DST: variants seen among roughly 807,000 people sequenced by gnomAD.
DST encodes the protein bullous pemphigoid antigen.
In DST, 253 loss-of-function variants were observed where a neutral mutation model predicts 875.2. The observed-to-expected ratio is 0.29, with a 90% CI of 0.26 to 0.32. DST has a LOEUF of 0.32. Ranked by LOEUF, DST falls within the 10% of genes least tolerant of loss-of-function variation. The pLI is 1.00. For synonymous variants in DST, 3,124 were observed against 3,197.1 expected, an observed-to-expected ratio of 0.98 and a Z score of 0.77; for missense variants, 8,287 against 9,111.6, an observed-to-expected ratio of 0.91 and a Z score of 3.68.
chr6:56,659,118 T>C (rs988636590), intron 10 of DST, among the ~76,000 whole-genome samples: 2 of 151,944 alleles, frequency 1.3e-5, no homozygotes, highest in Non-Finnish European at 2.9e-5. Flanking sequence ...GAGAAAAAAA[T>C]TTAAATGGTC....
intron 4 of DST, among the ~76,000 whole-genome samples, chr6:56,809,305 C>T (rs1270458208): frequency 6.6e-6 from 1 of 152,166 alleles, no homozygotes; most frequent in Admixed American, 6.5e-5. Flanking sequence ...ACTGCCCCTC[C>T]CCGAGTGAGG....
chr6:56,616,710 C>T, intron 36 of DST: 2 of 1,614,172 alleles, frequency 1.2e-6, no homozygotes, highest in Non-Finnish European at 1.7e-6. Context: ...TCAATGACAC[C>T]CCCACTGGCA....
chr6:56,828,054 T>C (rs181994436), intron 4 of DST, among the ~76,000 whole-genome samples: 7 of 152,286 alleles, frequency 4.6e-5, no homozygotes, highest in Non-Finnish European at 8.8e-5. Context: ...CTGATGCATG[T>C]AGCATCACAT....
intron 4 of DST, among the ~76,000 whole-genome samples, chr6:56,795,175 C>A (rs2099737581): frequency 6.6e-6 from 1 of 151,798 alleles, no homozygotes; most frequent in South Asian, 2.1e-4. Flanking sequence ...ATACTGCATC[C>A]TTAAATACAA....
Position 56,477,407 on chromosome 6 carries a change from G to A in DST, c.21613C>T (p.His7205Tyr). ...TMGDTVLAIC[H>Y]PDSITTIKHW... is the part of the protein sequence containing the mutation. ...TTAATGGTAGTGATGGAGTCGGGGT[G>A]GCAGATAGCCAAAACGGTGTCGCCC... The change falls in exon 91 of 104, where the codon CAC becomes TAC. Residue 7205 changes from histidine (H) to tyrosine (Y), a missense_variant. Coordinates refer to ENST00000680361, the MANE Select transcript of DST (RefSeq NM_001374736.1). The A allele has an allele frequency of 1.2e-6, 2 of 1,613,948 alleles. No individual in the cohort carries two copies. The highest frequency in any genetic ancestry group is 1.7e-6 in the Non-Finnish European group (2 of 1,179,878).
In DST at chr6:56,601,521, A is replaced by G. The variant is rs747775037; in HGVS notation, c.11463T>C (p.Asp3821=). ...LLNTTQKCFL[D]VQESVTTQVE... is the part of the protein sequence containing the mutation. ...CCTGGGTAGTTACTGACTCCTGTAC[A>G]TCAAGAAAACACTTCTGAGTTGTAT... is the stretch of plus-strand genomic sequence containing the variant. Residue 3821 remains aspartate (D), a synonymous_variant, in exon 44 of 104, where the codon GAT becomes GAC. Transcript: ENST00000680361. 5.6e-6 allele frequency: 9 copies of G among 1,606,424 alleles called. No individual in the cohort carries two copies. The African/African-American group carries it at 8.0e-5, about 14-fold the overall frequency.
intron 9 of DST, among the ~76,000 whole-genome samples, chr6:56,698,109 C>A (rs1465266777): frequency 6.6e-6 from 1 of 152,076 alleles, no homozygotes; most frequent in Non-Finnish European, 1.5e-5. Context: ...TGTAGTCTGG[C>A]TGACTAACAC....
At chr6:56,676,813 G>A (rs1428873507) in intron 9 of DST, among the ~76,000 whole-genome samples, 1 of 152,054 alleles carries the variant, frequency 6.6e-6, no homozygotes, top group East Asian at 1.9e-4. Flanking sequence ...TCACTTATAT[G>A]TAGAATCTAA....
chr6:56,815,311 T>C (rs2099765297), intron 4 of DST, among the ~76,000 whole-genome samples: 3 of 151,738 alleles, frequency 2.0e-5, no homozygotes, highest in Admixed American at 6.6e-5. Context: ...AAGACTTGTT[T>C]TTCTTTTATT....
chr6:56,519,097 A>G (rs2096648293), intron 69 of DST, among the ~76,000 whole-genome samples: 1 of 152,154 alleles, frequency 6.6e-6, no homozygotes, highest in Admixed American at 6.6e-5. Flanking sequence ...ACCTTGGGCC[A>G]CAAGGAAGAA....
intron 36 of DST, chr6:56,615,607 T>C: frequency 6.2e-7 from 1 of 1,614,156 alleles, no homozygotes; most frequent in South Asian, 1.1e-5. Flanking sequence ...CAAAATCAGC[T>C]TTTTCTAAGG....
rs758753166 is a variant in DST, at chr6:56,501,607, T to C, written c.19653A>G (p.Glu6551=). The change falls in exon 79 of 104, where the codon GAA becomes GAG. Residue 6551 remains glutamate (E), a synonymous_variant. Transcript: ENST00000680361. ...QAELLLKKVT[E]ESDKHTVQDP... ...CTTGAACAGTGTGTTTGTCACTCTC[T>C]TCTGTTACTTTCTTTAGCAAAAGCT... is the stretch of plus-strand genomic sequence containing the variant. 2.5e-6 allele frequency: 4 copies of C among 1,609,222 alleles called. No homozygotes were observed. The South Asian group carries it at 4.4e-5, about 18-fold the overall frequency.
At position 56,504,025 on chromosome 6, in the gene DST, G is replaced by C; in HGVS notation, c.19538C>G (p.Thr6513Ser). Residue 6513 changes from threonine (T) to serine (S), a missense_variant, in exon 78 of 104, where the codon ACT becomes AGT. By Grantham distance (58) the Thr-to-Ser change is moderately conservative (BLOSUM62 1). Transcript: ENST00000680361. ...SMSPIGTDLE[T>S]VKQQIEELKQ... Reference sequence around the variant, plus strand: ...TAGCTCTTCAATCTGCTGCTTGACAGTTTCGAGATCTGTTCCAATTGGAGA... The same window carrying C: ...TAGCTCTTCAATCTGCTGCTTGACACTTTCGAGATCTGTTCCAATTGGAGA... 1 of 1,608,668 alleles carries C rather than the reference G, an allele frequency of 6.2e-7. No individual in the cohort carries two copies. Among genetic ancestry groups the C allele is most frequent in the Admixed American group, 1.7e-5 (1 of 59,062 alleles).
At chr6:56,842,083 A>ATT (rs34334015) in intron 4 of DST, among the ~76,000 whole-genome samples, 5 of 151,582 alleles carry the variant, frequency 3.3e-5, no homozygotes, top group African/African-American at 9.7e-5. Flanking sequence ...GTTTAGTTCA[A>ATT]TTTTTTTTTA....
intron 49 of DST, among the ~76,000 whole-genome samples, chr6:56,585,092 G>T (rs1374245028): frequency 6.6e-6 from 1 of 152,166 alleles, no homozygotes; most frequent in Non-Finnish European, 1.5e-5. Flanking sequence ...TTGGGATCAG[G>T]ATGATGCTGG....
chr6:56,952,176 A>C (rs569890374), intron 2 of DST, among the ~76,000 whole-genome samples: 2 of 152,334 alleles, frequency 1.3e-5, no homozygotes, highest in African/African-American at 4.8e-5. Context: ...GGCATTAAAC[A>C]ACTACCCCCA....
chr6:56,851,242 C>A, intron 4 of DST, 155 bp downstream of exon 4: 3 of 716,994 alleles, frequency 4.2e-6, no homozygotes, highest in Non-Finnish European at 4.5e-6. Flanking sequence ...ATCGGTAAAA[C>A]AAGGCATAAA....
chr6:56,927,329 CT>C (rs1186412175), intron 2 of DST, among the ~76,000 whole-genome samples: 4 of 152,054 alleles, frequency 2.6e-5, no homozygotes, highest in Non-Finnish European at 5.9e-5. Flanking sequence ...CAACAAAAGC[CT>C]GGAAATGTTA....
At chr6:56,625,399 C>A (rs1351622558) in intron 34 of DST, 135 bp from the exon 35 acceptor site, 1 of 652,398 alleles carries the variant, frequency 1.5e-6, no homozygotes, top group Non-Finnish European at 2.7e-6. Context: ...ATCATTAGAA[C>A]CTAGATTCAT....
Sources: gnomAD v4.1 joint callset for allele counts (sites outside exome capture counted in the v4.1 genomes callset) on GRCh38, gnomAD v4.1.1 for gene constraint, MANE v1.5 for transcripts, NCBI Gene and HGNC (gene_info 2026-07-23, HGNC 2026-07-21) for gene names.